Variants in WDR13 observed in about 807,000 individuals in gnomAD.
WDR13 encodes the protein WD repeat domain 13.
In WDR13, 1 loss-of-function variant was observed where a neutral mutation model predicts 28.6. The ratio of observed to expected loss-of-function variants is 0.03; its 90% CI spans 0.01 to 0.17. The LOEUF is 0.17. WDR13 is among the 10% of genes least tolerant of loss of function. WDR13 has a pLI of 1.00. For missense variants in WDR13, 264 were observed against 469.3 expected, an observed-to-expected ratio of 0.56 and a Z score of 4.04; for synonymous variants, 201 against 185.9, an observed-to-expected ratio of 1.08 and a Z score of -0.66.
At chrX:48,598,090 CA>C in intron 2 of WDR13, 53 bp downstream of exon 2, 9 of 1,156,870 alleles carry the variant, frequency 7.8e-6, no homozygotes, top group Non-Finnish European at 1.0e-5. Context: ...GGTGCATGCG[CA>C]ATGGCGATAA....
chrX:48,607,852 TC>T lies in WDR13; in HGVS notation c.*2822del. 9.5e-6 allele frequency: 1 copy of T among 105,035 alleles called. No individual in the cohort carries two copies. The highest frequency in any genetic ancestry group is 3.1e-4 in the East Asian group (1 of 3,235). 8.7% of individuals were successfully genotyped at this position (105,035 alleles called of 1,213,427 possible). The stretch of plus-strand genomic sequence containing the variant: ...GGCGTGATCTCGGCTTACTGTAACC[TC>T]CGCCTCCTGGGTTCAAGCAATTCTC... On this transcript the variant is annotated 3_prime_UTR_variant, in exon 10 of 10. Transcript: ENST00000376729.
rs782532407 is a variant in WDR13 at position 48,598,723 on chromosome X, C to G, written c.48C>G (p.Asn16Lys). 1 of 1,134,629 alleles carries G rather than the reference C, an allele frequency of 8.8e-7. No individual in the cohort carries two copies. The highest frequency in any genetic ancestry group is 1.9e-5 in the African/African-American group (1 of 52,103). 93.5% of individuals were successfully genotyped at this position (1,134,629 alleles called of 1,213,427 possible). Residue 16 changes from asparagine to lysine, a missense_variant, in exon 3 of 10, where the codon AAC becomes AAG. By Grantham distance (94) the Asn-to-Lys change is moderately conservative. Coordinates refer to ENST00000376729, the MANE Select transcript of WDR13 (RefSeq NM_001347217.2). ...QQVLAVDARY[N>K]AYRTPTFPQF... ...CTGCATCCTGACCCTGCAGGTACAA[C>G]GCGTACCGCACACCAACGTTTCCAC... is the stretch of plus-strand genomic sequence containing the variant.
chrX:48,598,236 A>G, intron 2 of WDR13, 199 bp downstream of exon 2: 1 of 1,096,432 alleles, frequency 9.1e-7, no homozygotes, highest in South Asian at 2.4e-5. Flanking sequence ...AGCTGGGAAA[A>G]TGTGGTCAGA....
intron 8 of WDR13, among the ~76,000 whole-genome samples, chrX:48,603,831 T>C (rs1272857373): frequency 9.0e-6 from 1 of 111,049 alleles, no homozygotes. Flanking sequence ...GTGCTTATCT[T>C]AATACCAGGA....
At chrX:48,599,122 G>T (rs1009515524) in intron 3 of WDR13, 165 bp downstream of exon 3, 4 of 830,680 alleles carry the variant, frequency 4.8e-6, no homozygotes, top group Non-Finnish European at 6.6e-6. Flanking sequence ...TTTGTAAACA[G>T]GTCAGTAAAC....
rs782356868 is a variant in WDR13 at position 48,605,009 on chromosome X, G to A, written c.1435G>A (p.Val479Ile). 28 of 1,206,662 alleles carry A rather than the reference G, an allele frequency of 2.3e-5. No individual in the cohort carries two copies. Among genetic ancestry groups the A allele is most frequent in the South Asian group, 3.5e-5 (2 of 56,636 alleles). Residue 479 changes from valine (V) to isoleucine (I), a missense_variant, in exon 10 of 10, where the codon GTC becomes ATC. This residue lies in a region of WDR13 where 18 missense variants were observed against 61.6 expected (regional missense o/e 0.29). Coordinates refer to ENST00000376729, the MANE Select transcript of WDR13 (RefSeq NM_001347217.2). ...CAGTGACGCCAGCGGCATGGTCATCGTCTGGAGGCGGGAGCAGAAGTAGGG... is the reference window on the plus strand; with the variant it reads ...CAGTGACGCCAGCGGCATGGTCATCATCTGGAGGCGGGAGCAGAAGTAGGG... ...ASSDASGMVIVWRREQK is the reference protein window; with the variant it reads ...ASSDASGMVIIWRREQK
chrX:48,598,810 G>A lies in WDR13; in HGVS notation c.135G>A (p.Gly45=). Residue 45 remains glycine (G), a synonymous_variant, in exon 3 of 10, where the codon GGG becomes GGA. Coordinates refer to ENST00000376729, the MANE Select transcript of WDR13 (RefSeq NM_001347217.2). ...SQLLRENAKA[G]HPPALRRQYL... Reference sequence around the variant, plus strand: ...TGCTGCGGGAGAATGCCAAGGCTGGGCACCCCCCAGCGCTGCGTCGGCAGT... The same window carrying A: ...TGCTGCGGGAGAATGCCAAGGCTGGACACCCCCCAGCGCTGCGTCGGCAGT... 1 of 1,205,609 alleles carries A rather than the reference G, an allele frequency of 8.3e-7. No homozygotes were observed. The highest frequency in any genetic ancestry group is 1.1e-6 in the Non-Finnish European group (1 of 892,469).
At position 48,600,362 on chromosome X, in the gene WDR13, C is replaced by T. The variant is rs782319421; in HGVS notation, c.567C>T (p.Ala189=). 39 of 1,206,904 alleles carry T rather than the reference C, an allele frequency of 3.2e-5. No homozygotes were observed. The highest frequency in any genetic ancestry group is 4.4e-5 in the Non-Finnish European group (39 of 894,731). Residue 189 remains alanine (A), a synonymous_variant, in exon 6 of 10, where the codon GCC becomes GCT. Transcript: ENST00000376729. ...CCAATGATGACCGACACCGCCTGGCCTGCTGCTCACTCGACGGCAGCATCT... is the reference window on the plus strand; with the variant it reads ...CCAATGATGACCGACACCGCCTGGCTTGCTGCTCACTCGACGGCAGCATCT... ...RFANDDRHRL[A]CCSLDGSISL...
In WDR13 at chrX:48,600,522, A is replaced by C. The variant is rs782241979; in HGVS notation, c.727A>C (p.Ile243Leu). The C allele has an allele frequency of 2.5e-6, 3 of 1,210,796 alleles. No homozygotes were observed. The African/African-American group carries it at 5.2e-5, about 21-fold the overall frequency. Residue 243 changes from isoleucine to leucine, a missense_variant, in exon 6 of 10, where the codon ATC becomes CTC. Physicochemically the swap from Ile to Leu is conservative, Grantham distance 5. Coordinates refer to ENST00000376729, the MANE Select transcript of WDR13 (RefSeq NM_001347217.2). ...VSTSLDATMRIWASEDGRCIR... is the reference protein window; with the variant it reads ...VSTSLDATMRLWASEDGRCIR... ...CACCTCACTGGATGCCACCATGCGC[A>C]TCTGGGCCTCTGAGGATGGTCGCTG...
rs1221730856 is a variant in WDR13, at chrX:48,606,569, T to C, written c.*1537T>C. On this transcript the variant is annotated 3_prime_UTR_variant, in exon 10 of 10. Coordinates refer to ENST00000376729, the MANE Select transcript of WDR13 (RefSeq NM_001347217.2). The stretch of plus-strand genomic sequence containing the variant: ...GAACAGCTCAGAGACCAAAAAGTGA[T>C]GTTAAGTATTTGAGGGGAGCCCCAA... 1 of 111,081 alleles carries C rather than the reference T, an allele frequency of 9.0e-6. No individual in the cohort carries two copies. Among genetic ancestry groups the C allele is most frequent in the Admixed American group, 9.6e-5 (1 of 10,404 alleles). The allele number at this position is 111,081 out of a possible 1,213,427, so 9.2% of individuals were successfully genotyped here. A position where few individuals can be genotyped will look rare whatever the true frequency, so the allele number is the denominator to read the frequency against.
chrX:48,599,376 C>T lies in WDR13; in HGVS notation c.306C>T (p.Ala102=). 1.7e-6 allele frequency: 2 copies of T among 1,204,205 alleles called. No homozygotes were observed. Among genetic ancestry groups the T allele is most frequent in the Non-Finnish European group, 2.2e-6 (2 of 892,421 alleles). ...RMEDFEDDPR[A]LGARGHRRSV... is the part of the protein sequence containing the mutation. Reference sequence around the variant, plus strand: ...AGGACTTTGAGGATGATCCTCGGGCCCTGGGGGCCCGTGGGCACCGTCGTT... The same window carrying T: ...AGGACTTTGAGGATGATCCTCGGGCTCTGGGGGCCCGTGGGCACCGTCGTT... The change falls in exon 4 of 10, where the codon GCC becomes GCT. Residue 102 remains alanine, a synonymous_variant. Transcript: ENST00000376729.
At position 48,606,091 on chromosome X, in the gene WDR13, G is replaced by A. The variant is rs2062219364; in HGVS notation, c.*1059G>A. On this transcript the variant is annotated 3_prime_UTR_variant, in exon 10 of 10. Coordinates refer to ENST00000376729, the MANE Select transcript of WDR13 (RefSeq NM_001347217.2). ...GGACTTTGGCTTTTTTTCTGAGTGGGGGTGACCAGAAGGTGTCAAGCAGAG... is the reference window on the plus strand; with the variant it reads ...GGACTTTGGCTTTTTTTCTGAGTGGAGGTGACCAGAAGGTGTCAAGCAGAG... The A allele has an allele frequency of 9.2e-6, 1 of 108,176 alleles. No homozygotes were observed. Among genetic ancestry groups the A allele is most frequent in the Admixed American group, 1.0e-4 (1 of 9,921 alleles). 8.9% of individuals were successfully genotyped at this position (108,176 alleles called of 1,213,427 possible).
At chrX:48,598,988 A>G (rs781868790) in intron 3 of WDR13, 31 bp downstream of exon 3, 2 of 1,178,332 alleles carry the variant, frequency 1.7e-6, no homozygotes, top group Admixed American at 4.5e-5. Flanking sequence ...ACCCCCGGGC[A>G]TACCCTGCCT....
rs1369599420 is a variant in WDR13 at position 48,607,801 on chromosome X, G to A, written c.*2769G>A. 5.9e-5 allele frequency: 6 copies of A among 101,782 alleles called. No homozygotes were observed. The highest frequency in any genetic ancestry group is 1.5e-4 in the African/African-American group (4 of 27,272). The allele number at this position is 101,782 out of a possible 1,213,427, so 8.4% of individuals were successfully genotyped here. On this transcript the variant is annotated 3_prime_UTR_variant, in exon 10 of 10. Transcript: ENST00000376729. ...TTTTTTTTAATTGAGACGGAGTCTC[G>A]CTTTGTCGCCAGGCTGGAGTGCAGT... is the stretch of plus-strand genomic sequence containing the variant.
intron 2 of WDR13, 169 bp from the exon 3 acceptor site, chrX:48,598,548 C>G: frequency 9.3e-7 from 1 of 1,075,054 alleles, no homozygotes; most frequent in Non-Finnish European, 1.2e-6. Flanking sequence ...ACTGCAGACT[C>G]ACTCCCACCA....
intron 6 of WDR13, 25 bp downstream of exon 6, chrX:48,600,651 C>G: frequency 8.4e-7 from 1 of 1,197,186 alleles, no homozygotes; most frequent in South Asian, 1.8e-5. Context: ...CACCCACTCA[C>G]CAAGGGCTGG....
chrX:48,608,750 A>C lies in WDR13; in HGVS notation c.*3718A>C, dbSNP rs1157357929. On this transcript the variant is annotated 3_prime_UTR_variant, in exon 10 of 10. Coordinates refer to ENST00000376729, the MANE Select transcript of WDR13 (RefSeq NM_001347217.2). The stretch of plus-strand genomic sequence containing the variant: ...ATTTTGGGGGTTTCCTCCTTGTGAA[A>C]TTTTGAGGTGGCAGATTTGACATTC... 9.0e-6 allele frequency: 1 copy of C among 111,484 alleles called. No homozygotes were observed. Among genetic ancestry groups the C allele is most frequent in the African/African-American group, 3.3e-5 (1 of 30,643 alleles). The allele number at this position is 111,484 out of a possible 1,213,427, so 9.2% of individuals were successfully genotyped here.
rs781787782 is a variant in WDR13 at position 48,606,815 on chromosome X, C to T, written c.*1783C>T. 8.9e-5 allele frequency: 10 copies of T among 112,194 alleles called. No homozygotes were observed. Among genetic ancestry groups the T allele is most frequent in the African/African-American group, 3.2e-4 (10 of 30,940 alleles). The allele number at this position is 112,194 out of a possible 1,213,427, so 9.2% of individuals were successfully genotyped here. On this transcript the variant is annotated 3_prime_UTR_variant, in exon 10 of 10. Coordinates refer to ENST00000376729, the MANE Select transcript of WDR13 (RefSeq NM_001347217.2). ...GGGTCAGTCCACAGCGTGGTAGAGACTCCAGCTTGGCCCAGCATTGCTGAG... is the reference window on the plus strand; with the variant it reads ...GGGTCAGTCCACAGCGTGGTAGAGATTCCAGCTTGGCCCAGCATTGCTGAG...
At chrX:48,603,118 C>A (rs1002180942) in intron 8 of WDR13, among the ~76,000 whole-genome samples, 3 of 112,005 alleles carry the variant, frequency 2.7e-5, no homozygotes, top group Admixed American at 9.5e-5. Flanking sequence ...TGGGCTCATG[C>A]GATTCTCCCA....
Sources: gnomAD v4.1 joint callset for allele counts (sites outside exome capture counted in the v4.1 genomes callset) on GRCh38, gnomAD v4.1.1 for gene constraint, gnomAD v4.1.1 regional missense constraint, MANE v1.5 for transcripts, NCBI Gene and HGNC (gene_info 2026-07-23, HGNC 2026-07-21) for gene names.